Variants in C15orf61 observed in about 807,000 individuals in gnomAD.
C15orf61 encodes the protein chromosome 15 open reading frame 61, also known as uncharacterized protein C15orf61.
In C15orf61, 12 loss-of-function variants were observed where a neutral mutation model predicts 13.7. That is an observed-to-expected ratio of 0.88 (90% CI 0.56 to 1.42). The LOEUF (loss-of-function observed/expected upper bound fraction) is 1.42. Ranked by LOEUF, C15orf61 falls within the 40% of genes most tolerant of loss-of-function variation. The pLI, the probability that C15orf61 is intolerant of heterozygous loss-of-function variation, is 0.00. For synonymous variants in C15orf61, 92 were observed against 94.1 expected (o/e 0.98, Z 0.13); for missense variants, 248 against 213.2 (o/e 1.16, Z -1.02).
intron 1 of C15orf61, 106 bp downstream of exon 1, chr15:67,521,700 G>T: frequency 8.5e-7 from 1 of 1,171,124 alleles, no homozygotes; most frequent in Middle Eastern, 2.4e-4. Flanking sequence ...AGTCCCGCGG[G>T]AGTCAGCTCT....
chr15:67,521,638 C>G, intron 1 of C15orf61, 44 bp downstream of exon 1: 1 of 1,423,310 alleles, frequency 7.0e-7, no homozygotes, highest in Non-Finnish European at 9.4e-7. Flanking sequence ...CCCGCCCGGC[C>G]GGGACGGCCC....
Position 67,526,877 on chromosome 15 carries a change from A to C in C15orf61, c.*332A>C, listed in dbSNP as rs1380753258. On this transcript the variant is annotated 3_prime_UTR_variant, in exon 2 of 2. Coordinates refer to ENST00000342683, the MANE Select transcript of C15orf61 (RefSeq NM_001143936.2). ...TAAATCAACTCTGAAGAGAAAATAT[A>C]GATGCCCACACAAAAGAGAAGGGGG... The C allele has an allele frequency of 6.0e-6, 1 of 165,382 alleles. No homozygotes were observed. The highest frequency in any genetic ancestry group is 1.3e-5 in the Non-Finnish European group (1 of 77,136). 10.2% of individuals were successfully genotyped at this position (165,382 alleles called of 1,614,324 possible).
rs557900448 is a variant in C15orf61 at position 67,525,138 on chromosome 15, G to A, written c.347-1280G>A. 9.2e-5 allele frequency among the ~76,000 whole-genome samples: 14 copies of A among 152,130 alleles called. No individual in the cohort carries two copies. The highest frequency in any genetic ancestry group is 3.3e-4 in the Admixed American group (5 of 15,282). On this transcript the variant is annotated intron_variant, in intron 1 of 1. Coordinates refer to ENST00000342683, the MANE Select transcript of C15orf61 (RefSeq NM_001143936.2). This position sits in a 1 kb window ranked among gnomAD's most constrained non-coding sequence, Gnocchi z 4.9. ...GGCGTGAGCCACAGTGCCCAGCCGCGTTCTTTATTACTAGAAAGAAAGTGA... is the reference window on the plus strand; with the variant it reads ...GGCGTGAGCCACAGTGCCCAGCCGCATTCTTTATTACTAGAAAGAAAGTGA...
In C15orf61 at chr15:67,521,638, C is replaced by T. The variant is rs145898297; in HGVS notation, c.346+44C>T. 2.5e-3 allele frequency: 3,543 copies of T among 1,423,300 alleles called. 12 individuals are homozygous for T. The highest frequency in any genetic ancestry group is 3.1e-3 in the Non-Finnish European group (3,262 of 1,058,198). 88.2% of individuals were successfully genotyped at this position (1,423,300 alleles called of 1,614,324 possible). A position where few individuals can be genotyped will look rare whatever the true frequency, so the allele number is the denominator to read the frequency against. On this transcript the variant is annotated intron_variant, in intron 1 of 1. Transcript: ENST00000342683. ...GCCCACGCGGTGAAGCCCGCCCGGC[C>T]GGGACGGCCCCTCAGCCACCGAGCA...
chr15:67,528,999 GA>G lies in C15orf61; in HGVS notation c.*2455del, dbSNP rs1407389421. 1 of 152,142 alleles carries G rather than the reference GA, an allele frequency of 6.6e-6. No individual in the cohort carries two copies. The highest frequency in any genetic ancestry group is 2.4e-5 in the African/African-American group (1 of 41,414). The allele number at this position is 152,142 out of a possible 1,614,324, so 9.4% of individuals were successfully genotyped here. On this transcript the variant is annotated 3_prime_UTR_variant, in exon 2 of 2. Coordinates refer to ENST00000342683, the MANE Select transcript of C15orf61 (RefSeq NM_001143936.2). ...CACTAACCCTGAAGTGGCATGTGGG[GA>G]GCTGAAGAGGCCCTTCTCTTCTGCA...
chr15:67,526,285 A>G, intron 1 of C15orf61, 133 bp from the exon 2 acceptor site: 1 of 583,746 alleles, frequency 1.7e-6, no homozygotes, highest in Non-Finnish European at 2.8e-6. Flanking sequence ...AGATAATCAG[A>G]GTCAATGTTG....
rs1223710329 is a variant in C15orf61 at position 67,521,161 on chromosome 15, G to C, written c.-88G>C. The stretch of plus-strand genomic sequence containing the variant: ...GGGGGCTCTCGGGCACCCGCGCGGC[G>C]CCGGTTGGCCTTCCCGGCGCTCGCC... On this transcript the variant is annotated 5_prime_UTR_variant, in exon 1 of 2. Coordinates refer to ENST00000342683, the MANE Select transcript of C15orf61 (RefSeq NM_001143936.2). 1.1e-5 allele frequency: 10 copies of C among 925,342 alleles called. No homozygotes were observed. The highest frequency in any genetic ancestry group is 1.4e-5 in the Non-Finnish European group (10 of 737,942). The allele number at this position is 925,342 out of a possible 1,614,324, so 57.3% of individuals were successfully genotyped here. A position where few individuals can be genotyped will look rare whatever the true frequency, so the allele number is the denominator to read the frequency against.
chr15:67,525,416 G>A lies in C15orf61; in HGVS notation c.347-1002G>A, dbSNP rs1448196857. Among the ~76,000 whole-genome samples, 1 of 152,138 alleles carries A rather than the reference G, an allele frequency of 6.6e-6. No homozygotes were observed. Among genetic ancestry groups the A allele is most frequent in the African/African-American group, 2.4e-5 (1 of 41,428 alleles). On this transcript the variant is annotated intron_variant, in intron 1 of 1. Coordinates refer to ENST00000342683, the MANE Select transcript of C15orf61 (RefSeq NM_001143936.2). This position sits in a 1 kb window ranked among gnomAD's most constrained non-coding sequence, Gnocchi z 4.9. ...ATGTGAGTGCTTAATACATATCTCT[G>A]GATAGTGTGTTTAGTTTCATGTATC... is the stretch of plus-strand genomic sequence containing the variant.
In C15orf61 at chr15:67,526,078, G is replaced by A. The variant is rs542597989; in HGVS notation, c.347-340G>A. 7.2e-4 allele frequency among the ~76,000 whole-genome samples: 110 copies of A among 152,218 alleles called. 1 individual carries two copies. The highest frequency in any genetic ancestry group is 6.8e-3 in the Middle Eastern group (2 of 294). On this transcript the variant is annotated intron_variant, in intron 1 of 1. Transcript: ENST00000342683. Reference sequence around the variant, plus strand: ...TAGCTCAAGGCTAATAATCAGGAGCGTCTACAACTAAATTAATGAGTATTC... The same window carrying A: ...TAGCTCAAGGCTAATAATCAGGAGCATCTACAACTAAATTAATGAGTATTC...
intron 1 of C15orf61, 184 bp downstream of exon 1, chr15:67,521,778 GCTC>G (rs2084165772): frequency 5.8e-6 from 4 of 686,364 alleles, no homozygotes; most frequent in Non-Finnish European, 4.8e-6. Flanking sequence ...AGCTTGCTGA[GCTC>G]CTGGCACCCG....
At chr15:67,523,235 A>C (rs2084178710) in intron 1 of C15orf61, among the ~76,000 whole-genome samples, 1 of 152,176 alleles carries the variant, frequency 6.6e-6, no homozygotes, top group Non-Finnish European at 1.5e-5. Context: ...AGTGGTGAAC[A>C]CATCTGGTAA....
At chr15:67,524,870 C>G (rs993028914) in intron 1 of C15orf61, among the ~76,000 whole-genome samples, 15 of 148,826 alleles carry the variant, frequency 1.0e-4, no homozygotes, top group Non-Finnish European at 1.8e-4. Flanking sequence ...TGGAGTCTCC[C>G]TCTGTCGCCA....
At position 67,526,611 on chromosome 15, in the gene C15orf61, T is replaced by C. The variant is rs2084200371; in HGVS notation, c.*66T>C. ...TGTGTATATGTGCAGTATTTATTTT[T>C]GATCCTTTAAAATAAAACTTTTGCA... On this transcript the variant is annotated 3_prime_UTR_variant, in exon 2 of 2. Transcript: ENST00000342683. The C allele has an allele frequency of 2.2e-6, 3 of 1,356,634 alleles. No homozygotes were observed. Among genetic ancestry groups the C allele is most frequent in the Non-Finnish European group, 2.9e-6 (3 of 1,032,460 alleles). 84.0% of individuals were successfully genotyped at this position (1,356,634 alleles called of 1,614,324 possible). A position where few individuals can be genotyped will look rare whatever the true frequency, so the allele number is the denominator to read the frequency against.
chr15:67,524,427 TTTA>T (rs1356686434), intron 1 of C15orf61, among the ~76,000 whole-genome samples: 2 of 152,136 alleles, frequency 1.3e-5, no homozygotes, highest in African/African-American at 2.4e-5. Context: ...TATAAGTAGC[TTTA>T]TTATTCTAGT....
intron 1 of C15orf61, chr15:67,522,268 T>A (rs976266355): frequency 2.6e-5 from 18 of 699,580 alleles, no homozygotes; most frequent in Middle Eastern, 7.1e-4. Flanking sequence ...TGGGTGTATC[T>A]TTTATAGGTC....
chr15:67,521,789 C>A (rs1340059892), intron 1 of C15orf61, 195 bp downstream of exon 1: 2 of 658,622 alleles, frequency 3.0e-6, no homozygotes, highest in Non-Finnish European at 5.1e-6. Flanking sequence ...CTCCTGGCAC[C>A]CGAAGCCGTT....
rs1242043869 is a variant in C15orf61, at chr15:67,530,053, A to C, written c.*3508A>C. 1.3e-5 allele frequency: 2 copies of C among 152,238 alleles called. No individual in the cohort carries two copies. Among genetic ancestry groups the C allele is most frequent in the Non-Finnish European group, 2.9e-5 (2 of 68,050 alleles). 9.4% of individuals were successfully genotyped at this position (152,238 alleles called of 1,614,324 possible). On this transcript the variant is annotated 3_prime_UTR_variant, in exon 2 of 2. Coordinates refer to ENST00000342683, the MANE Select transcript of C15orf61 (RefSeq NM_001143936.2). ...CATCTCACCTGGGTCAACAGTCTAGAGTATCAGAGTTAAACTCTGTTACTG... is the reference window on the plus strand; with the variant it reads ...CATCTCACCTGGGTCAACAGTCTAGCGTATCAGAGTTAAACTCTGTTACTG...
intron 1 of C15orf61, chr15:67,521,983 A>G (rs1249057302): frequency 2.4e-5 from 17 of 693,884 alleles, no homozygotes; most frequent in Middle Eastern, 2.3e-4. Flanking sequence ...TCCCGTGAAC[A>G]TCACTTTGCA....
chr15:67,526,690 A>G lies in C15orf61; in HGVS notation c.*145A>G, dbSNP rs2084200794. 2.6e-6 allele frequency: 2 copies of G among 770,490 alleles called. No individual in the cohort carries two copies. The highest frequency in any genetic ancestry group is 3.0e-5 in the South Asian group (1 of 33,476). 47.7% of individuals were successfully genotyped at this position (770,490 alleles called of 1,614,324 possible). ...TTCTTTAAGATGAATCATTGCCCTC[A>G]AGAGGTGAAGCTTTTTATACATCGT... On this transcript the variant is annotated 3_prime_UTR_variant, in exon 2 of 2. Coordinates refer to ENST00000342683, the MANE Select transcript of C15orf61 (RefSeq NM_001143936.2).
Sources: gnomAD v4.1 joint callset for allele counts (sites outside exome capture counted in the v4.1 genomes callset) on GRCh38, gnomAD v4.1.1 for gene constraint, Gnocchi (gnomAD v3.1) non-coding constraint, MANE v1.5 for transcripts, NCBI Gene and HGNC (gene_info 2026-07-23, HGNC 2026-07-21) for gene names.